The following BCL7A variants were observed in gnomAD, a reference collection of about 807,000 sequenced individuals.
BCL7A encodes the protein BAF chromatin remodeling complex subunit BCL7A.
A neutral mutation model predicts 28.4 loss-of-function variants in BCL7A; 11 were observed. The ratio of observed to expected loss-of-function variants is 0.39; its 90% confidence interval spans 0.24 to 0.64. The LOEUF (loss-of-function observed/expected upper bound fraction) is 0.64. BCL7A is among the 30% of genes least tolerant of loss of function. BCL7A has a pLI of 0.50. For synonymous variants in BCL7A, 123 were observed against 103.3 expected (o/e 1.19, Z -1.15); for missense variants, 222 against 274.8 (o/e 0.81, Z 1.36).
At chr12:122,024,079 C>G in intron 1 of BCL7A, among the ~76,000 whole-genome samples, 1 of 152,240 alleles carries the variant, frequency 6.6e-6, no homozygotes, top group Admixed American at 6.5e-5. Flanking sequence ...CCCCGCGGGC[C>G]CCGGGGCGGC....
intron 3 of BCL7A, among the ~76,000 whole-genome samples, chr12:122,043,184 G>A (rs1404108345): frequency 4.6e-5 from 7 of 151,996 alleles, no homozygotes; most frequent in Non-Finnish European, 8.8e-5. Flanking sequence ...GGACCATGCC[G>A]TGTCTTCTGT....
intron 1 of BCL7A, 49 bp downstream of exon 1, chr12:122,022,232 C>G: frequency 5.3e-6 from 7 of 1,312,492 alleles, no homozygotes; most frequent in Non-Finnish European, 7.0e-6. Flanking sequence ...GCCCCGAGCC[C>G]GAGCGCGGCT....
intron 4 of BCL7A, among the ~76,000 whole-genome samples, chr12:122,049,721 G>T: frequency 6.6e-6 from 1 of 152,096 alleles, no homozygotes; most frequent in Non-Finnish European, 1.5e-5. Context: ...TGGTCACTTA[G>T]GTGTTCCCGT....
rs146194882 is a variant in BCL7A at position 122,046,111 on chromosome 12, C to T, written c.439+2058C>T. ...CATTCTCTTACAGATTTACAAATAC[C>T]GTTACTGCATCTAAGAAAATGAGCA... is the stretch of plus-strand genomic sequence containing the variant. On this transcript the variant is annotated intron_variant, in intron 4 of 5. Transcript: ENST00000261822. Among the ~76,000 whole-genome samples the T allele has an allele frequency of 6.3e-4, 93 of 147,214 alleles. No homozygotes were observed. The East Asian group carries it at 0.017, about 27-fold the overall frequency.
intron 1 of BCL7A, among the ~76,000 whole-genome samples, chr12:122,026,440 C>T (rs896052788): frequency 1.7e-4 from 26 of 152,104 alleles, no homozygotes; most frequent in African/African-American, 6.0e-4. Context: ...GAGACCTTGT[C>T]TCAAAAAACA....
intron 2 of BCL7A, among the ~76,000 whole-genome samples, chr12:122,031,466 G>C (rs1593024294): frequency 6.6e-6 from 1 of 152,176 alleles, no homozygotes; most frequent in Non-Finnish European, 1.5e-5. Context: ...CATCTGCCAG[G>C]CCCTGGGCTG....
chr12:122,024,733 T>A (rs141996617), intron 1 of BCL7A, among the ~76,000 whole-genome samples: 169 of 152,352 alleles, frequency 1.1e-3, no homozygotes, highest in African/African-American at 3.1e-3. Flanking sequence ...AAGATTTTTT[T>A]AAAAATAAAT....
At chr12:122,023,685 G>C (rs1593020056) in intron 1 of BCL7A, among the ~76,000 whole-genome samples, 2 of 152,264 alleles carry the variant, frequency 1.3e-5, no homozygotes, top group South Asian at 4.1e-4. Flanking sequence ...TGTCTCGGGA[G>C]CTCCCCTGGT....
At chr12:122,032,207 C>T (rs933876318) in intron 2 of BCL7A, among the ~76,000 whole-genome samples, 3 of 152,188 alleles carry the variant, frequency 2.0e-5, no homozygotes, top group African/African-American at 4.8e-5. Context: ...TTCTTCACCC[C>T]GTGATCACAT....
At position 122,021,953 on chromosome 12, in the gene BCL7A, TGTGTGA is replaced by T. The variant is rs1565932416; in HGVS notation, c.-133_-128del. ...GTATGTGTGTGTGTGTGTGTGTGTG[TGTGTGA>T]GTGTGTGCGTGTGAGAGTGCGAGTG... On this transcript the variant is annotated 5_prime_UTR_variant, in exon 1 of 6. An upstream open reading frame in the 5' UTR loses its in-frame stop. Coordinates refer to ENST00000261822, the MANE Select transcript of BCL7A (RefSeq NM_001024808.3). 6.7e-5 allele frequency: 40 copies of T among 596,146 alleles called. No individual in the cohort carries two copies. The highest frequency in any genetic ancestry group is 5.8e-4 in the African/African-American group (30 of 51,728). 36.9% of individuals were successfully genotyped at this position (596,146 alleles called of 1,614,324 possible).
intron 4 of BCL7A, among the ~76,000 whole-genome samples, chr12:122,048,124 A>G (rs1034222793): frequency 6.6e-6 from 1 of 151,844 alleles, no homozygotes; most frequent in Non-Finnish European, 1.5e-5. Context: ...GCTGGTCTTG[A>G]ACTCCCAACC....
intron 1 of BCL7A, among the ~76,000 whole-genome samples, chr12:122,022,554 A>G (rs1883489224): frequency 7.0e-6 from 1 of 143,130 alleles, no homozygotes; most frequent in African/African-American, 2.5e-5. Context: ...AGTCACATGA[A>G]AGCGGCTTCC....
At chr12:122,022,491 G>A (rs1883487114) in intron 1 of BCL7A, among the ~76,000 whole-genome samples, 2 of 145,704 alleles carry the variant, frequency 1.4e-5, no homozygotes, top group African/African-American at 2.4e-5. Flanking sequence ...GCGGCGCTCG[G>A]CTCCCGGGAG....
At chr12:122,047,416 C>T (rs995895550) in intron 4 of BCL7A, among the ~76,000 whole-genome samples, 8 of 151,760 alleles carry the variant, frequency 5.3e-5, no homozygotes, top group Non-Finnish European at 5.9e-5. Flanking sequence ...CCCGGCTACT[C>T]GGGAGGCTGA....
intron 4 of BCL7A, among the ~76,000 whole-genome samples, chr12:122,046,904 G>GTTTT (rs746529090): frequency 7.2e-6 from 1 of 138,882 alleles, no homozygotes; most frequent in Admixed American, 7.3e-5. Context: ...TATTTCTTGG[G>GTTTT]TTTTTTTTTT....
chr12:122,054,157 T>C (rs1287477862), intron 4 of BCL7A, among the ~76,000 whole-genome samples: 1 of 152,184 alleles, frequency 6.6e-6, no homozygotes, highest in African/African-American at 2.4e-5. Context: ...CGATCTCGGC[T>C]CACTGCAACC....
chr12:122,021,937 T>G lies in BCL7A; in HGVS notation c.-155T>G. 3.6e-6 allele frequency: 2 copies of G among 551,814 alleles called. No homozygotes were observed. Among genetic ancestry groups the G allele is most frequent in the Non-Finnish European group, 6.4e-6 (2 of 310,172 alleles). The allele number at this position is 551,814 out of a possible 1,614,324, so 34.2% of individuals were successfully genotyped here. ...GGCTTTGTGTGTGTGTGTATGTGTG[T>G]GTGTGTGTGTGTGTGTGTGTGAGTG... is the stretch of plus-strand genomic sequence containing the variant. On this transcript the variant is annotated 5_prime_UTR_variant, in exon 1 of 6. Transcript: ENST00000261822.
chr12:122,046,023 G>A (rs910127656), intron 4 of BCL7A, among the ~76,000 whole-genome samples: 1 of 121,210 alleles, frequency 8.3e-6, no homozygotes, highest in Non-Finnish European at 1.6e-5. Flanking sequence ...AGCCATGATT[G>A]CACCACTCCA....
At position 122,040,263 on chromosome 12, in the gene BCL7A, G is replaced by C. The variant is rs927633257; in HGVS notation, c.272-3623G>C. Among the ~76,000 whole-genome samples the C allele has an allele frequency of 4.6e-4, 70 of 152,296 alleles. 1 individual carries two copies. The highest frequency in any genetic ancestry group is 1.6e-3 in the African/African-American group (67 of 41,560). ...TCCAGGTTTGTGGCTGGCCGTGGTG[G>C]CTCACACCCATAATCCTAGGACTTT... On this transcript the variant is annotated intron_variant, in intron 3 of 5. Transcript: ENST00000261822.
Sources: allele counts gnomAD v4.1 joint callset (sites outside exome capture counted in the v4.1 genomes callset), GRCh38; gene constraint gnomAD v4.1.1; transcripts MANE v1.5; gene names NCBI Gene and HGNC (gene_info 2026-07-23, HGNC 2026-07-21).